EYA2: variants seen among roughly 807,000 people sequenced by gnomAD.
The protein encoded by EYA2 is protein phosphatase EYA2.
Under a neutral mutation model 69.2 loss-of-function variants are expected in EYA2, and 31 were observed. That is an observed-to-expected ratio of 0.45 (90% CI 0.34 to 0.60). The LOEUF is 0.60. EYA2 is among the 20% of genes least tolerant of loss of function. The pLI, the probability that EYA2 is intolerant of heterozygous loss-of-function variation, is 0.02. For synonymous variants in EYA2, 257 were observed against 279.4 expected, an observed-to-expected ratio of 0.92 and a Z score of 0.80; for missense variants, 622 against 701.2, an observed-to-expected ratio of 0.89 and a Z score of 1.28.
Position 47,169,127 on chromosome 20 carries a change from A to G in EYA2, c.979-12A>G. 1.2e-6 allele frequency: 2 copies of G among 1,612,726 alleles called. No homozygotes were observed. The highest frequency in any genetic ancestry group is 1.7e-6 in the Non-Finnish European group (2 of 1,179,282). On this transcript the variant is annotated splice_polypyrimidine_tract_variant and intron_variant, in intron 10 of 15. Coordinates refer to ENST00000327619, the MANE Select transcript of EYA2 (RefSeq NM_005244.5). ...TCTCTCTCTCTCTCTCTCTCTGTCA[A>G]ATTTTCCATAGGATTGTGACCAGAT...
At chr20:46,902,697 C>T (rs558854062) in intron 1 of EYA2, among the ~76,000 whole-genome samples, 4 of 152,302 alleles carry the variant, frequency 2.6e-5, no homozygotes, top group South Asian at 4.1e-4. Context: ...AAGTAAGAGA[C>T]GCCAGCAGAT....
Position 47,160,081 on chromosome 20 carries a change from T to C in EYA2, c.979-9058T>C, listed in dbSNP as rs73127574. On this transcript the variant is annotated intron_variant, in intron 10 of 15. Transcript: ENST00000327619. ...TTTATTTGGAGGGAGGTGATATCCA[T>C]TGTGGGGATTTGAGCAGGAGCGGGA... is the stretch of plus-strand genomic sequence containing the variant. Among the ~76,000 whole-genome samples, 1,327 of 152,112 alleles carry C rather than the reference T, an allele frequency of 8.7e-3. 8 individuals are homozygous for C. Among genetic ancestry groups the C allele is most frequent in the Non-Finnish European group, 0.015 (1,014 of 67,988 alleles).
At chr20:47,109,002 C>T (rs947239337) in intron 9 of EYA2, among the ~76,000 whole-genome samples, 1 of 152,118 alleles carries the variant, frequency 6.6e-6, no homozygotes, top group South Asian at 2.1e-4. Flanking sequence ...TTACCGTTCT[C>T]TCCACCCAGG....
At chr20:47,024,382 G>A (rs1404234685) in intron 5 of EYA2, among the ~76,000 whole-genome samples, 2 of 152,190 alleles carry the variant, frequency 1.3e-5, no homozygotes, top group Non-Finnish European at 2.9e-5. Flanking sequence ...TGAATTGTGA[G>A]GTTCTGCAAT....
intron 9 of EYA2, among the ~76,000 whole-genome samples, chr20:47,126,130 A>G (rs2033185055): frequency 6.6e-6 from 1 of 152,240 alleles, no homozygotes; most frequent in Non-Finnish European, 1.5e-5. Flanking sequence ...ACACAAGCCC[A>G]GCCCAAATGC....
Position 47,089,395 on chromosome 20 carries a change from G to T in EYA2, c.804+14G>T, listed in dbSNP as rs913627503. 5 of 1,607,388 alleles carry T rather than the reference G, an allele frequency of 3.1e-6. No individual in the cohort carries two copies. Among genetic ancestry groups the T allele is most frequent in the Non-Finnish European group, 4.2e-6 (5 of 1,176,658 alleles). ...AATGAGATTGAGGTAATCCAAAGGG[G>T]CTCTGTGTGACCTGGTGAATGTAAT... On this transcript the variant is annotated intron_variant, in intron 8 of 15. Transcript: ENST00000327619.
chr20:46,898,688 A>AC (rs1983940537), intron 1 of EYA2, among the ~76,000 whole-genome samples: 2 of 151,794 alleles, frequency 1.3e-5, no homozygotes, highest in Non-Finnish European at 2.9e-5. Context: ...GAGGATAAAC[A>AC]CCCCCTCCGT....
intron 1 of EYA2, among the ~76,000 whole-genome samples, chr20:46,944,417 G>T (rs1978339296): frequency 6.6e-6 from 1 of 152,174 alleles, no homozygotes. Flanking sequence ...GAATAAAGGG[G>T]TCTATTCAGA....
At chr20:46,999,510 G>A (rs1170816558) in intron 2 of EYA2, among the ~76,000 whole-genome samples, 1 of 152,198 alleles carries the variant, frequency 6.6e-6, no homozygotes, top group Non-Finnish European at 1.5e-5. Flanking sequence ...GAATGCACGT[G>A]CATGCACACA....
intron 10 of EYA2, among the ~76,000 whole-genome samples, chr20:47,168,687 G>A (rs1033475036): frequency 6.6e-6 from 1 of 152,160 alleles, no homozygotes; most frequent in Non-Finnish European, 1.5e-5. Context: ...AGAGCACAGG[G>A]TTTACTAAGC....
rs373752612 is a variant in EYA2 at position 47,150,636 on chromosome 20, A to G, written c.978+7488A>G. Among the ~76,000 whole-genome samples, 78 of 151,954 alleles carry G rather than the reference A, an allele frequency of 5.1e-4. 10 individuals carry two copies. The East Asian group carries it at 0.014, about 27-fold the overall frequency. On this transcript the variant is annotated intron_variant, in intron 10 of 15. Transcript: ENST00000327619. ...GCAGGCGTCACCATGCTCCGCTAAT[A>G]TTTTTATTTTCTGTAGAGATGGAGT... is the stretch of plus-strand genomic sequence containing the variant.
chr20:46,949,497 A>T (rs1978671582), intron 1 of EYA2, among the ~76,000 whole-genome samples: 1 of 152,166 alleles, frequency 6.6e-6, no homozygotes, highest in Admixed American at 6.5e-5. Context: ...GTCCAGGGTC[A>T]GAGCTCAGTT....
At chr20:47,179,491 A>G (rs1052625043) in intron 12 of EYA2, among the ~76,000 whole-genome samples, 6 of 114,142 alleles carry the variant, frequency 5.3e-5, no homozygotes, top group African/African-American at 2.0e-4. Context: ...GGGTGGATGG[A>G]TGGATATTGG....
At chr20:47,161,163 C>A in intron 10 of EYA2, 1 of 377,890 alleles carries the variant, frequency 2.6e-6, no homozygotes, top group Admixed American at 4.2e-5. Flanking sequence ...AGCACAGAGC[C>A]ACAGTGGCCT....
At chr20:47,098,309 C>T (rs546413236) in intron 9 of EYA2, among the ~76,000 whole-genome samples, 2 of 152,124 alleles carry the variant, frequency 1.3e-5, no homozygotes, top group Non-Finnish European at 2.9e-5. Flanking sequence ...GGCTCCACAG[C>T]CATTGCAAAA....
chr20:47,061,491 A>C (rs1001393915), intron 5 of EYA2, among the ~76,000 whole-genome samples: 3 of 152,124 alleles, frequency 2.0e-5, no homozygotes, highest in Admixed American at 6.5e-5. Context: ...TGATGGCACC[A>C]CTGCACTCAG....
chr20:47,152,830 AAAG>A (rs1327284964), intron 10 of EYA2, among the ~76,000 whole-genome samples: 1 of 151,388 alleles, frequency 6.6e-6, no homozygotes, highest in African/African-American at 2.4e-5. Flanking sequence ...AAAAGAAAGA[AAAG>A]AAAAAAAGAA....
In EYA2 at chr20:47,039,111, T is replaced by TCACACACACACACA. The variant is rs11467574; in HGVS notation, c.415+22822_415+22835dup. Among the ~76,000 whole-genome samples the TCACACACACACACA allele has an allele frequency of 5.2e-3, 778 of 149,962 alleles. 8 individuals are homozygous for TCACACACACACACA. The highest frequency in any genetic ancestry group is 0.022 in the East Asian group (111 of 5,050). ...CAAAAAACCAGAGCAGATGTCGAAA[T>TCACACACACACACA]CACACACACACACACACACACGCGC... On this transcript the variant is annotated intron_variant, in intron 5 of 15. Transcript: ENST00000327619.
rs780536542 is a variant in EYA2 at position 46,905,240 on chromosome 20, G to C, written c.-11+10253G>C. On this transcript the variant is annotated intron_variant, in intron 1 of 15. Transcript: ENST00000327619. ...TACATGTGTCCATTTAACAAACATG[G>C]AAACTGAGACTTGGACAGATCGAGT... is the stretch of plus-strand genomic sequence containing the variant. Among the ~76,000 whole-genome samples, 3 of 152,022 alleles carry C rather than the reference G, an allele frequency of 2.0e-5. No individual in the cohort carries two copies. The South Asian group carries it at 6.2e-4, about 32-fold the overall frequency.
Sources: gnomAD v4.1 joint callset for allele counts (sites outside exome capture counted in the v4.1 genomes callset) on GRCh38, gnomAD v4.1.1 for gene constraint, MANE v1.5 for transcripts, NCBI Gene and HGNC (gene_info 2026-07-23, HGNC 2026-07-21) for gene names.